The following HERC1 variants were observed in gnomAD, a reference collection of about 807,000 sequenced individuals.
HERC1 encodes HECT and RLD domain containing E3 ubiquitin protein ligase family member 1.
In HERC1, 160 loss-of-function variants were observed where a neutral mutation model predicts 554.3. The ratio of observed to expected loss-of-function variants is 0.29; its 90% CI spans 0.25 to 0.33. The LOEUF (loss-of-function observed/expected upper bound fraction) is 0.33. HERC1 is among the 10% of genes least tolerant of loss of function. The pLI, the probability that HERC1 is intolerant of heterozygous loss-of-function variation, is 1.00. For synonymous variants in HERC1, 2,175 were observed against 2,131.7 expected, an observed-to-expected ratio of 1.02 and a Z score of -0.56; for missense variants, 4,919 against 5,918.5, an observed-to-expected ratio of 0.83 and a Z score of 5.54.
chr15:63,795,787 T>C (rs1205182138), intron 1 of HERC1, among the ~76,000 whole-genome samples: 1 of 152,246 alleles, frequency 6.6e-6, no homozygotes, highest in Non-Finnish European at 1.5e-5. Flanking sequence ...TGTGTCCAGT[T>C]TCCACTGGCT....
intron 12 of HERC1, among the ~76,000 whole-genome samples, chr15:63,737,043 C>A (rs2074537048): frequency 6.6e-6 from 1 of 150,760 alleles, no homozygotes; most frequent in Non-Finnish European, 1.5e-5. Context: ...GAAACAAGAA[C>A]AAAAATTAGT....
chr15:63,663,225 G>C (rs778238626), intron 43 of HERC1, 21 bp from the exon 44 acceptor site: 2 of 1,595,082 alleles, frequency 1.3e-6, no homozygotes, highest in African/African-American at 2.7e-5. Context: ...AACAAAAAAG[G>C]CATTTTATTT....
chr15:63,712,979 T>TAA (rs1409655599), intron 23 of HERC1, 84 bp from the exon 24 acceptor site: 18 of 1,271,104 alleles, frequency 1.4e-5, no homozygotes, highest in Non-Finnish European at 2.0e-5. Context: ...AGCACAGAGA[T>TAA]AATATACACA....
chr15:63,612,013 C>T lies in HERC1; in HGVS notation c.14400+238G>A, dbSNP rs1049948132. On this transcript the variant is annotated intron_variant, in intron 77 of 77. Coordinates refer to ENST00000443617, the MANE Select transcript of HERC1 (RefSeq NM_003922.4). The surrounding 1 kb of genome is among the most constrained non-coding windows in gnomAD (Gnocchi z 5.0). The stretch of plus-strand genomic sequence containing the variant: ...CAGCCTGGCCAACATGGTGAATCCC[C>T]GTCTCTACCAAAATATACAAAAAAA... Among the ~76,000 whole-genome samples, 2 of 152,234 alleles carry T rather than the reference C, an allele frequency of 1.3e-5. No homozygotes were observed. The highest frequency in any genetic ancestry group is 1.5e-5 in the Non-Finnish European group (1 of 68,014).
chr15:63,769,411 C>T (rs904093323), intron 2 of HERC1, among the ~76,000 whole-genome samples: 1 of 152,156 alleles, frequency 6.6e-6, no homozygotes, highest in African/African-American at 2.4e-5. Context: ...CAGAGTGAGA[C>T]TCTGTTTCCA....
In HERC1 at chr15:63,666,147, G is replaced by T; in HGVS notation, c.8327C>A (p.Ala2776Asp). 1 of 1,608,274 alleles carries T rather than the reference G, an allele frequency of 6.2e-7. No homozygotes were observed. Among genetic ancestry groups the T allele is most frequent in the Non-Finnish European group, 8.5e-7 (1 of 1,176,506 alleles). Residue 2776 changes from alanine to aspartate, a missense_variant, in exon 42 of 78, where the codon GCT becomes GAT. Transcript: ENST00000443617. ...QIAKAMEATG[A>D]RGEADAQNIT... Reference sequence around the variant, plus strand: ...ATTCTGGGCATCAGCCTCTCCCCTAGCACCTATACAGGGGAAAAACAGTCT... The same window carrying T: ...ATTCTGGGCATCAGCCTCTCCCCTATCACCTATACAGGGGAAAAACAGTCT...
intron 1 of HERC1, among the ~76,000 whole-genome samples, chr15:63,815,519 T>A (rs527439240): frequency 6.6e-6 from 1 of 152,342 alleles, no homozygotes; most frequent in East Asian, 1.9e-4. Flanking sequence ...TAGTGACTGA[T>A]GAAGTCCTTT....
intron 1 of HERC1, among the ~76,000 whole-genome samples, chr15:63,803,130 A>C (rs1364673574): frequency 6.6e-6 from 1 of 152,222 alleles, no homozygotes; most frequent in Non-Finnish European, 1.5e-5. Flanking sequence ...GCTTAAGCCT[A>C]CGAGGCTGCA....
intron 7 of HERC1, among the ~76,000 whole-genome samples, chr15:63,753,735 C>T (rs2075326143): frequency 6.6e-6 from 1 of 152,020 alleles, no homozygotes; most frequent in African/African-American, 2.4e-5. Flanking sequence ...TTTAGTCATT[C>T]ATTGTGTTGT....
chr15:63,698,345 G>A (rs2072541505), intron 26 of HERC1, among the ~76,000 whole-genome samples: 1 of 150,700 alleles, frequency 6.6e-6, no homozygotes, highest in South Asian at 2.1e-4. Context: ...TTGAACCCAG[G>A]AGGCAGAGGT....
chr15:63,797,518 T>A (rs1386768435), intron 1 of HERC1, among the ~76,000 whole-genome samples: 1 of 152,234 alleles, frequency 6.6e-6, no homozygotes, highest in East Asian at 1.9e-4. Flanking sequence ...GGACTGTTTT[T>A]CACACTCCAA....
intron 19 of HERC1, among the ~76,000 whole-genome samples, chr15:63,719,388 G>A (rs966388830): frequency 6.6e-6 from 1 of 152,230 alleles, no homozygotes; most frequent in Non-Finnish European, 1.5e-5. Flanking sequence ...GTGTGGCTGG[G>A]GCAAACCGTG....
chr15:63,668,489 C>T (rs960159809), intron 40 of HERC1, among the ~76,000 whole-genome samples: 5 of 152,020 alleles, frequency 3.3e-5, no homozygotes, highest in African/African-American at 1.2e-4. Context: ...TCTCTAAAAA[C>T]AAACAAACAA....
intron 1 of HERC1, among the ~76,000 whole-genome samples, chr15:63,781,982 C>G (rs765600392): frequency 1.3e-5 from 2 of 152,152 alleles, no homozygotes; most frequent in African/African-American, 2.4e-5. Flanking sequence ...TCTATGAAGG[C>G]TGAGAGAGGT....
Position 63,649,715 on chromosome 15 carries a change from A to C in HERC1, c.10747+10T>G. On this transcript the variant is annotated intron_variant, in intron 54 of 77. Transcript: ENST00000443617. ...GACTCCGTCAGCTAGACGTAAGTGC[A>C]GTCATTTACCATCCTTTCGATAGCA... 1 of 1,608,242 alleles carries C rather than the reference A, an allele frequency of 6.2e-7. No individual in the cohort carries two copies. Among genetic ancestry groups the C allele is most frequent in the Non-Finnish European group, 8.5e-7 (1 of 1,175,310 alleles).
In HERC1 at chr15:63,669,634, T is replaced by C. The variant is rs192917180; in HGVS notation, c.8110A>G (p.Ile2704Val). The C allele has an allele frequency of 9.3e-5, 150 of 1,613,890 alleles. 7 individuals carry two copies. Among genetic ancestry groups the C allele is most frequent in the East Asian group, 6.7e-4 (30 of 44,884 alleles). The change falls in exon 40 of 78, where the codon ATA becomes GTA. Residue 2704 changes from isoleucine to valine, a missense_variant. Transcript: ENST00000443617. ...GAAGGAGAGGTTGGTAACGAAGATA[T>C]TGGAGGAGTCTGTGCCCGACGTGTG... is the stretch of plus-strand genomic sequence containing the variant. ...LPTRRAQTPP[I>V]SSLPTSPSDE...
At position 63,665,859 on chromosome 15, in the gene HERC1, A is replaced by T. The variant is rs967486829; in HGVS notation, c.8555+60T>A. On this transcript the variant is annotated intron_variant, in intron 42 of 77. Coordinates refer to ENST00000443617, the MANE Select transcript of HERC1 (RefSeq NM_003922.4). Reference sequence around the variant, plus strand: ...AGAAGCATTTATGACGGGATATATAATAAATGGGGCTTTGAAATTTATAAC... The same window carrying T: ...AGAAGCATTTATGACGGGATATATATTAAATGGGGCTTTGAAATTTATAAC... 4.8e-6 allele frequency: 6 copies of T among 1,257,712 alleles called. No individual in the cohort carries two copies. The African/African-American group carries it at 8.9e-5, about 19-fold the overall frequency. The allele number at this position is 1,257,712 out of a possible 1,614,324, so 77.9% of individuals were successfully genotyped here.
At chr15:63,617,333 T>G (rs963040602) in intron 74 of HERC1, among the ~76,000 whole-genome samples, 1 of 152,186 alleles carries the variant, frequency 6.6e-6, no homozygotes, top group African/African-American at 2.4e-5. Flanking sequence ...CTACATGACA[T>G]GAACTCATCA....
intron 12 of HERC1, among the ~76,000 whole-genome samples, chr15:63,746,296 G>A (rs997658063): frequency 7.9e-5 from 12 of 151,886 alleles, no homozygotes; most frequent in Middle Eastern, 3.4e-3. Flanking sequence ...GATAATTTAG[G>A]AGTGCACTGG....
Sources: allele counts gnomAD v4.1 joint callset (sites outside exome capture counted in the v4.1 genomes callset), GRCh38; gene constraint gnomAD v4.1.1; non-coding constraint Gnocchi (gnomAD v3.1); transcripts MANE v1.5; gene names NCBI Gene and HGNC (gene_info 2026-07-23, HGNC 2026-07-21).